GLI3: variants seen among roughly 807,000 people sequenced by gnomAD.
GLI3 encodes the protein transcription activator GLI3.
GLI3 carries 20 observed loss-of-function variants against 100.8 expected under a neutral mutation model. The observed-to-expected ratio is 0.20, with a 90% CI of 0.14 to 0.29. The LOEUF (loss-of-function observed/expected upper bound fraction) is 0.29. Ranked by LOEUF, GLI3 falls within the 10% of genes least tolerant of loss-of-function variation. The pLI is 1.00. For missense variants in GLI3, 2,040 were observed against 2,128.5 expected (o/e 0.96, Z 0.82); for synonymous variants, 938 against 860.5 (o/e 1.09, Z -1.58).
intron 3 of GLI3, among the ~76,000 whole-genome samples, chr7:42,079,933 G>A (rs1344887830): frequency 6.6e-6 from 1 of 152,154 alleles, no homozygotes; most frequent in Middle Eastern, 3.2e-3. Flanking sequence ...TCTTTTATAT[G>A]AGTGTTTATA....
chr7:42,054,196 C>CA (rs1465240306), intron 4 of GLI3, among the ~76,000 whole-genome samples: 2 of 152,166 alleles, frequency 1.3e-5, no homozygotes, highest in African/African-American at 4.8e-5. Flanking sequence ...AGATTCTTAT[C>CA]AGAGCATTTT....
chr7:42,221,571 GGCATGT>G (rs1788488306), intron 2 of GLI3, among the ~76,000 whole-genome samples: 1 of 151,798 alleles, frequency 6.6e-6, no homozygotes, highest in African/African-American at 2.4e-5. Context: ...CTCACACACA[GGCATGT>G]GCACTCACGC....
chr7:42,182,631 T>G (rs1342835525), intron 2 of GLI3, among the ~76,000 whole-genome samples: 3 of 117,304 alleles, frequency 2.6e-5, no homozygotes, highest in Non-Finnish European at 5.1e-5. Context: ...TATATGCATA[T>G]GTATATGTGT....
chr7:42,087,687 G>A (rs1223602399), intron 3 of GLI3, among the ~76,000 whole-genome samples: 5 of 148,972 alleles, frequency 3.4e-5, no homozygotes, highest in East Asian at 1.9e-4. Context: ...GAAATGACAG[G>A]GGCCCCTTTG....
rs769447723 is a variant in GLI3, at chr7:41,965,719, G to A, written c.3354C>T (p.Asp1118=). Residue 1118 remains aspartate, a synonymous_variant, in exon 15 of 15, where the codon GAC becomes GAT. Transcript: ENST00000395925. ...CGGGCCCGTGGGGCACTTTGCTGTC[G>A]TCCGGGAGGGCGCTGGGGAAGTGCT... ...YEQHFPSALP[D]DSKVPHGPGD... is the part of the protein sequence containing the mutation. 13 of 1,613,714 alleles carry A rather than the reference G, an allele frequency of 8.1e-6. No homozygotes were observed. Among genetic ancestry groups the A allele is most frequent in the East Asian group, 2.2e-5 (1 of 44,842 alleles).
At chr7:42,126,082 C>A (rs1786123273) in intron 3 of GLI3, among the ~76,000 whole-genome samples, 1 of 152,094 alleles carries the variant, frequency 6.6e-6, no homozygotes, top group South Asian at 2.1e-4. Flanking sequence ...TTAAAACACA[C>A]ATATACTGCA....
At chr7:41,985,656 C>T (rs561221947) in intron 10 of GLI3, among the ~76,000 whole-genome samples, 2 of 152,264 alleles carry the variant, frequency 1.3e-5, no homozygotes, top group East Asian at 3.9e-4. Context: ...AAGAATCCCT[C>T]AAAACTTCCT....
intron 4 of GLI3, among the ~76,000 whole-genome samples, chr7:42,068,961 C>T (rs1453918174): frequency 1.3e-5 from 2 of 152,144 alleles, no homozygotes; most frequent in Non-Finnish European, 2.9e-5. Context: ...TTTCTGTTTT[C>T]TTTGAAGCCA....
chr7:42,030,781 C>T (rs780432772), intron 7 of GLI3, among the ~76,000 whole-genome samples: 2 of 150,366 alleles, frequency 1.3e-5, no homozygotes, highest in Non-Finnish European at 3.0e-5. Flanking sequence ...TGCAGTGGCA[C>T]GATCTCAGCT....
At chr7:42,100,611 G>A (rs1202965954) in intron 3 of GLI3, among the ~76,000 whole-genome samples, 2 of 151,996 alleles carry the variant, frequency 1.3e-5, no homozygotes, top group East Asian at 1.9e-4. Context: ...GTGTGGTGGT[G>A]CACGCCTGTA....
Position 41,965,486 on chromosome 7 carries a change from C to A in GLI3, c.3587G>T (p.Gly1196Val), listed in dbSNP as rs750219400. ...PQTRAFGFCN[G>V]MVVHPQNPLR... Reference sequence around the variant, plus strand: ...GGGGTTCTGCGGGTGGACGACCATGCCGTTGCAGAACCCAAAGGCGCGAGT... The same window carrying A: ...GGGGTTCTGCGGGTGGACGACCATGACGTTGCAGAACCCAAAGGCGCGAGT... The change falls in exon 15 of 15, where the codon GGC (glycine) becomes GTC (valine). Residue 1196 changes from glycine to valine, a missense_variant. This residue lies in a region of GLI3 where 1,041 missense variants were observed against 924.0 expected (regional missense o/e 1.13). Coordinates refer to ENST00000395925, the MANE Select transcript of GLI3 (RefSeq NM_000168.6). The A allele has an allele frequency of 1.9e-6, 3 of 1,609,130 alleles. No homozygotes were observed. The highest frequency in any genetic ancestry group is 2.2e-5 in the South Asian group (2 of 91,018).
rs1268398105 is a variant in GLI3, at chr7:41,964,654, G to T, written c.4419C>A (p.Ser1473Arg). 6.2e-7 allele frequency: 1 copy of T among 1,613,854 alleles called. No individual in the cohort carries two copies. Among genetic ancestry groups the T allele is most frequent in the East Asian group, 2.2e-5 (1 of 44,884 alleles). Residue 1473 changes from serine (S) to arginine (R), a missense_variant, in exon 15 of 15, where the codon AGC becomes AGA. By Grantham distance (110) the Ser-to-Arg change is moderately radical. This residue lies in a region of GLI3 where 1,041 missense variants were observed against 924.0 expected (regional missense o/e 1.13). Transcript: ENST00000395925. ...GGGAAAGTAACTCAGAGTTTTTGGC[G>T]CTGGTCCCCTGTAGCAGGCAGCTGG... ...SDASCLLQGT[S>R]AKNSELLSPG...
chr7:42,025,236 G>T (rs763792985), intron 9 of GLI3, 28 bp downstream of exon 9: 3 of 1,446,148 alleles, frequency 2.1e-6, no homozygotes, highest in Admixed American at 1.7e-5. Context: ...AGGAGTGGGC[G>T]CTGGCCTGTG....
chr7:42,158,400 A>T (rs1787053427), intron 2 of GLI3, among the ~76,000 whole-genome samples: 1 of 152,162 alleles, frequency 6.6e-6, no homozygotes, highest in South Asian at 2.1e-4. Flanking sequence ...TTTGTATTAT[A>T]AATTACTATT....
chr7:42,251,090 A>G (rs1789026139), intron 1 of GLI3, among the ~76,000 whole-genome samples: 1 of 152,222 alleles, frequency 6.6e-6, no homozygotes, highest in Non-Finnish European at 1.5e-5. Context: ...GCAACACACA[A>G]GAAAACAAAA....
chr7:42,019,860 G>A (rs949744591), intron 10 of GLI3, among the ~76,000 whole-genome samples: 7 of 151,344 alleles, frequency 4.6e-5, no homozygotes, highest in African/African-American at 9.7e-5. Flanking sequence ...AGTTTTAACC[G>A]ACACCAAGAA....
chr7:42,127,824 A>G (rs981332016), intron 3 of GLI3, among the ~76,000 whole-genome samples: 2 of 152,226 alleles, frequency 1.3e-5, no homozygotes, highest in Non-Finnish European at 1.5e-5. Flanking sequence ...CCTGGGCAAC[A>G]TGGCAAAACT....
At chr7:42,139,557 T>A (rs995314309) in intron 3 of GLI3, among the ~76,000 whole-genome samples, 1 of 152,132 alleles carries the variant, frequency 6.6e-6, no homozygotes, top group Non-Finnish European at 1.5e-5. Flanking sequence ...CACATGCCTG[T>A]AATCCCAGCT....
At chr7:42,108,383 T>C (rs1785625954) in intron 3 of GLI3, among the ~76,000 whole-genome samples, 1 of 152,180 alleles carries the variant, frequency 6.6e-6, no homozygotes, top group African/African-American at 2.4e-5. Context: ...TAGAAACCTC[T>C]AATCTAACAG....
Sources: gnomAD v4.1 joint callset for allele counts (sites outside exome capture counted in the v4.1 genomes callset) on GRCh38, gnomAD v4.1.1 for gene constraint, gnomAD v4.1.1 regional missense constraint, MANE v1.5 for transcripts, NCBI Gene and HGNC (gene_info 2026-07-23, HGNC 2026-07-21) for gene names.